MTERF4: variants seen among roughly 807,000 people sequenced by gnomAD.
MTERF4 encodes the protein transcription termination factor 4, mitochondrial.
Under a neutral mutation model 22.5 loss-of-function variants are expected in MTERF4, and 17 were observed. The observed-to-expected ratio is 0.75, with a 90% CI of 0.52 to 1.13. The LOEUF (loss-of-function observed/expected upper bound fraction) is 1.13, where lower values mean the gene tolerates loss of function less well. MTERF4 is among the 50% of genes most tolerant of loss of function. MTERF4 has a pLI of 0.00. For synonymous variants in MTERF4, 165 were observed against 175.3 expected (o/e 0.94, Z 0.47); for missense variants, 420 against 466.8 (o/e 0.90, Z 0.92).
chr2:241,048,670 G>C, the MTERF4 span: 41 of 1,609,896 alleles, frequency 2.5e-5, no homozygotes, highest in East Asian at 8.3e-4. Context: ...AGGAGTCCCC[G>C]ATGACTGTGA....
chr2:241,088,277 C>A, downstream of MTERF4: 1 of 914,986 alleles, frequency 1.1e-6, no homozygotes, highest in Non-Finnish European at 1.8e-6. Flanking sequence ...AAGACAGGAT[C>A]TCAGCAGGCA....
At chr2:241,062,984 G>GA in the MTERF4 span, 1 of 919,000 alleles carries the variant, frequency 1.1e-6, no homozygotes, top group South Asian at 1.7e-5. Flanking sequence ...CCCCCGGACA[G>GA]GTCTCTGTCT....
chr2:241,057,379 A>AT, the MTERF4 span, among the ~76,000 whole-genome samples: 3 of 81,316 alleles, frequency 3.7e-5, no homozygotes, highest in African/African-American at 1.8e-4. Flanking sequence ...CTCCATCTCA[A>AT]AATATATATA....
the MTERF4 span, among the ~76,000 whole-genome samples, chr2:241,060,391 C>G: frequency 3.9e-5 from 6 of 152,128 alleles, no homozygotes; most frequent in Non-Finnish European, 7.4e-5. Context: ...CCATGTTGGC[C>G]AGGCTGGTCT....
At chr2:241,061,824 G>T in the MTERF4 span, among the ~76,000 whole-genome samples, 1 of 149,392 alleles carries the variant, frequency 6.7e-6, no homozygotes, top group Non-Finnish European at 1.5e-5. Flanking sequence ...CTGCACTCCA[G>T]CCTGGGCAAC....
intron 4 of MTERF4, among the ~76,000 whole-genome samples, chr2:241,078,898 G>C (rs1463335109): frequency 2.5e-4 from 38 of 151,178 alleles, no homozygotes; most frequent in African/African-American, 9.0e-4. Context: ...TGGATCACTT[G>C]AGGTCAGGAG....
the MTERF4 span, among the ~76,000 whole-genome samples, chr2:241,057,519 C>A: frequency 6.6e-6 from 1 of 150,552 alleles, no homozygotes; most frequent in Admixed American, 6.6e-5. Context: ...CCCAACTCTA[C>A]AAAAAACTTT....
the MTERF4 span, among the ~76,000 whole-genome samples, chr2:241,042,720 T>A: frequency 6.6e-6 from 1 of 152,218 alleles, no homozygotes; most frequent in Non-Finnish European, 1.5e-5. Context: ...TCTGAGTTTT[T>A]AAAATACACT....
rs1388105589 is a variant in MTERF4 at position 241,102,280 on chromosome 2, GAGA to G, written c.-10_-8del. On this transcript the variant is annotated 5_prime_UTR_variant, in exon 1 of 4. Coordinates refer to ENST00000391980, the MANE Select transcript of MTERF4 (RefSeq NM_182501.4). ...GACGGCCGAACGCAGCCATAGCGCG[GAGA>G]AGATGGCAGCAGTTACGGCGCCGGA... The G allele has an allele frequency of 3.9e-6, 6 of 1,549,270 alleles. No homozygotes were observed. In the African/African-American group the frequency reaches 5.5e-5, roughly 14 times the overall value.
chr2:241,049,681 C>T, the MTERF4 span: 1 of 647,272 alleles, frequency 1.5e-6, no homozygotes, highest in Non-Finnish European at 2.8e-6. Context: ...AAGATGCCCA[C>T]AGAGTGTATT....
chr2:241,060,269 G>A, the MTERF4 span, among the ~76,000 whole-genome samples: 5 of 150,172 alleles, frequency 3.3e-5, no homozygotes, highest in African/African-American at 7.4e-5. Flanking sequence ...TGCAACCTCC[G>A]CCTCCCTGGT....
At chr2:241,051,805 C>T in the MTERF4 span, 34 of 1,561,148 alleles carry the variant, frequency 2.2e-5, no homozygotes, top group East Asian at 4.7e-5. This position sits in a 1 kb window ranked among gnomAD's most constrained non-coding sequence, Gnocchi z 4.7. Flanking sequence ...AGGAGGCGGG[C>T]GGCGAGTACC....
Position 241,102,268 on chromosome 2 carries a change from A to T in MTERF4, c.6T>A (p.Ala2=), listed in dbSNP as rs556901235. Residue 2 remains alanine (A), a synonymous_variant, in exon 1 of 4, where the codon GCT becomes GCA. Transcript: ENST00000391980. M[A]AFGRQVLDWH... is the part of the protein sequence containing the mutation. Reference sequence around the variant, plus strand: ...TCGAGCTTACCTGACGGCCGAACGCAGCCATAGCGCGGAGAAGATGGCAGC... The same window carrying T: ...TCGAGCTTACCTGACGGCCGAACGCTGCCATAGCGCGGAGAAGATGGCAGC... 3 of 1,549,580 alleles carry T rather than the reference A, an allele frequency of 1.9e-6. No individual in the cohort carries two copies. The highest frequency in any genetic ancestry group is 2.4e-5 in the East Asian group (1 of 40,890).
the MTERF4 span, among the ~76,000 whole-genome samples, chr2:241,066,481 T>G: frequency 6.6e-6 from 1 of 151,772 alleles, no homozygotes; most frequent in Non-Finnish European, 1.5e-5. Flanking sequence ...AGGAACCAAG[T>G]GGGGTGCAGG....
chr2:241,052,293 C>G, the MTERF4 span: 1 of 1,472,426 alleles, frequency 6.8e-7, no homozygotes, highest in Non-Finnish European at 9.4e-7. Flanking sequence ...GGCAGGATGC[C>G]CCACACAGTC....
the MTERF4 span, among the ~76,000 whole-genome samples, chr2:241,058,655 G>T: frequency 2.6e-5 from 4 of 152,152 alleles, no homozygotes; most frequent in Non-Finnish European, 5.9e-5. Flanking sequence ...TCCTTGAAAA[G>T]ATCATTAAAA....
chr2:241,063,887 G>GC, the MTERF4 span: 3 of 800,018 alleles, frequency 3.7e-6, no homozygotes, highest in Non-Finnish European at 6.0e-6. Context: ...GGCGGGACCT[G>GC]CCCACTGCCC....
intron 1 of MTERF4, among the ~76,000 whole-genome samples, chr2:241,101,886 C>G (rs541818343): frequency 6.6e-6 from 1 of 152,252 alleles, no homozygotes; most frequent in East Asian, 1.9e-4. Context: ...AACCCCGTCT[C>G]TACTAAAAAT....
downstream of MTERF4, among the ~76,000 whole-genome samples, chr2:241,084,609 T>G (rs2063493957): frequency 1.3e-5 from 2 of 152,244 alleles, no homozygotes; most frequent in Admixed American, 1.3e-4. Flanking sequence ...CTTCCACATA[T>G]GCTGTGAACT....
Sources: allele counts gnomAD v4.1 joint callset (sites outside exome capture counted in the v4.1 genomes callset), GRCh38; gene constraint gnomAD v4.1.1; non-coding constraint Gnocchi (gnomAD v3.1); transcripts MANE v1.5; gene names NCBI Gene and HGNC (gene_info 2026-07-23, HGNC 2026-07-21).